BPIFB2: variants seen among roughly 807,000 people sequenced by gnomAD.
The protein encoded by BPIFB2 is BPI fold containing family B member 2, also known as BPI fold-containing family B member 2.
BPIFB2 carries 39 observed loss-of-function variants against 50.1 expected under a neutral mutation model. The observed-to-expected ratio is 0.78, with a 90% CI of 0.60 to 1.02. BPIFB2 has a LOEUF of 1.02. Among genes scored for constraint, BPIFB2 ranks in the 50% least tolerant of loss-of-function variants. The probability of loss-of-function intolerance (pLI) is 0.00; values close to 1 mark genes in which losing one functional copy is unlikely to be tolerated. For missense variants in BPIFB2, 574 were observed against 585.8 expected, an observed-to-expected ratio of 0.98 and a Z score of 0.21; for synonymous variants, 280 against 256.3, an observed-to-expected ratio of 1.09 and a Z score of -0.88.
Position 33,021,362 on chromosome 20 carries a change from C to T in BPIFB2, c.1258+18C>T, listed in dbSNP as rs773797379. On this transcript the variant is annotated intron_variant, in intron 14 of 15. Transcript: ENST00000170150. ...TCTCAATGGTAAGCCCTGCCCTCCA[C>T]CCCAGCAGGGCCCCTCTGGCCCCCT... is the stretch of plus-strand genomic sequence containing the variant. 1.2e-5 allele frequency: 20 copies of T among 1,605,372 alleles called. No individual in the cohort carries two copies. The African/African-American group carries it at 2.3e-4, about 18-fold the overall frequency.
intron 15 of BPIFB2, among the ~76,000 whole-genome samples, chr20:33,023,032 G>A (rs118158356): frequency 6.6e-6 from 1 of 152,188 alleles, no homozygotes; most frequent in African/African-American, 2.4e-5. Context: ...GCTGGAGAGA[G>A]TTGGACTTGG....
chr20:33,012,312 C>T (rs56706794), intron 3 of BPIFB2, among the ~76,000 whole-genome samples: 22 of 152,264 alleles, frequency 1.4e-4, no homozygotes, highest in Admixed American at 2.6e-4. Flanking sequence ...AGCTTCTGTA[C>T]GGGGACCTGA....
chr20:33,011,682 G>A (rs1427876177), intron 3 of BPIFB2, among the ~76,000 whole-genome samples: 1 of 152,106 alleles, frequency 6.6e-6, no homozygotes, highest in Non-Finnish European at 1.5e-5. Flanking sequence ...AGCAACTAAT[G>A]AAAAAACATT....
intron 11 of BPIFB2, among the ~76,000 whole-genome samples, chr20:33,020,061 C>T (rs1978602714): frequency 6.6e-6 from 1 of 152,242 alleles, no homozygotes; most frequent in Admixed American, 6.5e-5. Context: ...GCATTTGTGG[C>T]CCCTGCCACT....
intron 3 of BPIFB2, among the ~76,000 whole-genome samples, chr20:33,011,716 C>T (rs539444691): frequency 1.2e-4 from 18 of 152,214 alleles, no homozygotes; most frequent in Admixed American, 2.0e-4. Flanking sequence ...CAGTGGTCCA[C>T]GCCTGTAATC....
At chr20:33,014,785 T>C (rs1978349490) in intron 5 of BPIFB2, among the ~76,000 whole-genome samples, 2 of 152,226 alleles carry the variant, frequency 1.3e-5, no homozygotes. Flanking sequence ...GATCACCACG[T>C]GTGACTCACG....
chr20:33,015,161 G>A (rs1347192841), intron 5 of BPIFB2, among the ~76,000 whole-genome samples: 1 of 152,222 alleles, frequency 6.6e-6, no homozygotes, highest in Non-Finnish European at 1.5e-5. Context: ...TCATGGCCAA[G>A]TCTGGCTTTT....
chr20:33,015,624 C>A, intron 6 of BPIFB2, 128 bp downstream of exon 6: 1 of 819,262 alleles, frequency 1.2e-6, no homozygotes, highest in Non-Finnish European at 1.8e-6. Flanking sequence ...GACGCCCCTT[C>A]ATGGTCCCCA....
chr20:33,021,974 C>T (rs965955213), intron 15 of BPIFB2, among the ~76,000 whole-genome samples, 175 bp downstream of exon 15: 1 of 152,136 alleles, frequency 6.6e-6, no homozygotes, highest in Admixed American at 6.5e-5. Context: ...AGGTTTCACC[C>T]TTCCTTTAGT....
chr20:33,022,464 G>A (rs574009832), intron 15 of BPIFB2, among the ~76,000 whole-genome samples: 2 of 152,310 alleles, frequency 1.3e-5, no homozygotes, highest in South Asian at 2.1e-4. Context: ...GAGAAGGAAC[G>A]ATTGGTACAC....
At chr20:33,021,880 C>G in intron 15 of BPIFB2, 81 bp downstream of exon 15, 2 of 1,374,962 alleles carry the variant, frequency 1.5e-6, no homozygotes, top group Non-Finnish European at 2.1e-6. Context: ...CTCTCCCTCC[C>G]CCTCTGTGGC....
rs201559452 is a variant in BPIFB2, at chr20:33,017,144, A to G, written c.577+42A>G. ...AGGGGAGGGGGCTGGGGCCTCTGGGACCCCCTGGAGCCCCTAGAACCCTCC... is the reference window on the plus strand; with the variant it reads ...AGGGGAGGGGGCTGGGGCCTCTGGGGCCCCCTGGAGCCCCTAGAACCCTCC... On this transcript the variant is annotated intron_variant, in intron 7 of 15. Transcript: ENST00000170150. The G allele has an allele frequency of 3.1e-4, 500 of 1,588,522 alleles. 5 individuals carry two copies. In the East Asian group the frequency reaches 7.4e-3, roughly 23 times the overall value.
chr20:33,013,093 T>C (rs1235233987), intron 4 of BPIFB2, among the ~76,000 whole-genome samples, 186 bp downstream of exon 4: 5 of 152,112 alleles, frequency 3.3e-5, no homozygotes, highest in Non-Finnish European at 7.4e-5. Context: ...CTGAGAACCC[T>C]GCTCAACAGC....
intron 5 of BPIFB2, among the ~76,000 whole-genome samples, chr20:33,014,353 G>T (rs979696233): frequency 1.3e-5 from 2 of 152,218 alleles, no homozygotes; most frequent in African/African-American, 4.8e-5. Context: ...CGCAGGCCAG[G>T]CCGCTCCCTT....
intron 15 of BPIFB2, 105 bp downstream of exon 15, chr20:33,021,904 C>A: frequency 1.8e-6 from 2 of 1,127,386 alleles, no homozygotes; most frequent in Non-Finnish European, 2.7e-6. Context: ...CAAAACCATG[C>A]CATGAATCCT....
intron 1 of BPIFB2, among the ~76,000 whole-genome samples, chr20:33,008,169 T>C (rs1485541976): frequency 1.3e-5 from 2 of 152,160 alleles, no homozygotes; most frequent in Non-Finnish European, 2.9e-5. Flanking sequence ...CGGCATCAGG[T>C]GATACAGTCC....
chr20:33,009,141 T>A lies in BPIFB2; in HGVS notation c.109+458T>A, dbSNP rs1044972226. Reference sequence around the variant, plus strand: ...TGCGTATGTGGTGTGTGCACGCACGTGTGTTCTTGGGAGAGGTCTGTCTAG... The same window carrying A: ...TGCGTATGTGGTGTGTGCACGCACGAGTGTTCTTGGGAGAGGTCTGTCTAG... On this transcript the variant is annotated intron_variant, in intron 2 of 15. Coordinates refer to ENST00000170150, the MANE Select transcript of BPIFB2 (RefSeq NM_025227.3). This position sits in a 1 kb window ranked among gnomAD's most constrained non-coding sequence, Gnocchi z 4.2. Among the ~76,000 whole-genome samples, 2 of 152,152 alleles carry A rather than the reference T, an allele frequency of 1.3e-5. No individual in the cohort carries two copies. The highest frequency in any genetic ancestry group is 4.8e-5 in the African/African-American group (2 of 41,418).
Position 33,012,884 on chromosome 20 carries a change from T to C in BPIFB2, c.285T>C (p.Ala95=), listed in dbSNP as rs1197769063. 3 of 1,613,442 alleles carry C rather than the reference T, an allele frequency of 1.9e-6. No individual in the cohort carries two copies. Among genetic ancestry groups the C allele is most frequent in the East Asian group, 2.2e-5 (1 of 44,880 alleles). Reference sequence around the variant, plus strand: ...TCGGAGTGCGCCTGCTGGCAGCAGCTAATTTTACTTTCAAGGTCTTTCGGT... The same window carrying C: ...TCGGAGTGCGCCTGCTGGCAGCAGCCAATTTTACTTTCAAGGTCTTTCGGT... The part of the protein sequence containing the change: ...AGFGVRLLAA[A]NFTFKVFRAP... The change falls in exon 4 of 16, where the codon GCT becomes GCC. Residue 95 remains alanine, a synonymous_variant. Transcript: ENST00000170150.
chr20:33,017,209 T>G, intron 7 of BPIFB2, 107 bp downstream of exon 7: 1 of 1,010,190 alleles, frequency 9.9e-7, no homozygotes, highest in Non-Finnish European at 1.5e-6. Flanking sequence ...TCTAGGAGAG[T>G]CAGTTGTAGG....
Sources: allele counts gnomAD v4.1 joint callset (sites outside exome capture counted in the v4.1 genomes callset), GRCh38; gene constraint gnomAD v4.1.1; non-coding constraint Gnocchi (gnomAD v3.1); transcripts MANE v1.5; gene names NCBI Gene and HGNC (gene_info 2026-07-23, HGNC 2026-07-21).